RANBP2: variants seen among roughly 807,000 people sequenced by gnomAD.
RANBP2 encodes RAN binding protein 2, also known as E3 SUMO-protein ligase RanBP2.
In RANBP2, 57 loss-of-function variants were observed where a neutral mutation model predicts 303.6. That is an observed-to-expected ratio of 0.19 (90% CI 0.15 to 0.23). The LOEUF (loss-of-function observed/expected upper bound fraction) is 0.23. RANBP2 is among the 10% of genes least tolerant of loss of function. The probability of loss-of-function intolerance (pLI) is 1.00; values close to 1 mark genes in which losing one functional copy is unlikely to be tolerated. For synonymous variants in RANBP2, 1,167 were observed against 1,301.5 expected, an observed-to-expected ratio of 0.90 and a Z score of 2.23; for missense variants, 3,138 against 3,780.8, an observed-to-expected ratio of 0.83 and a Z score of 4.46.
chr2:108,972,257 G>C, the RANBP2 span, among the ~76,000 whole-genome samples: 2 of 152,256 alleles, frequency 1.3e-5, no homozygotes, highest in African/African-American at 4.8e-5. Context: ...CCACACCCCT[G>C]TAAGAGACCA....
chr2:108,906,331 G>T, the RANBP2 span: 1 of 1,614,174 alleles, frequency 6.2e-7, no homozygotes, highest in Non-Finnish European at 8.5e-7. Flanking sequence ...ACACACGTTG[G>T]CATACACATC....
chr2:108,803,081 A>T, the RANBP2 span, among the ~76,000 whole-genome samples: 1 of 152,324 alleles, frequency 6.6e-6, no homozygotes, highest in Non-Finnish European at 1.5e-5. Flanking sequence ...TAAAATCCTA[A>T]TGCATTTCTC....
the RANBP2 span, among the ~76,000 whole-genome samples, chr2:109,611,503 T>C: frequency 6.6e-6 from 1 of 150,622 alleles, no homozygotes; most frequent in South Asian, 2.1e-4. Flanking sequence ...AACTAGAAAA[T>C]AGGCAACATG....
chr2:109,152,531 G>T, the RANBP2 span, among the ~76,000 whole-genome samples: 2 of 152,232 alleles, frequency 1.3e-5, no homozygotes, highest in Admixed American at 1.3e-4. Context: ...AAACAACGAA[G>T]TGTTTGAAAG....
chr2:109,569,565 ATTTT>A, the RANBP2 span, among the ~76,000 whole-genome samples: 1 of 152,092 alleles, frequency 6.6e-6, no homozygotes, highest in Non-Finnish European at 1.5e-5. Flanking sequence ...AAGGAGAGAA[ATTTT>A]TTCTGTCTAT....
chr2:109,535,549 G>C, the RANBP2 span, among the ~76,000 whole-genome samples: 2 of 152,148 alleles, frequency 1.3e-5, no homozygotes, highest in Non-Finnish European at 2.9e-5. Context: ...AAAACTTAGG[G>C]TTCAGGGCAC....
At chr2:109,400,700 G>A in the RANBP2 span, among the ~76,000 whole-genome samples, 505 of 152,276 alleles carry the variant, frequency 3.3e-3, 1 homozygote, top group African/African-American at 0.012. Flanking sequence ...ACACCTGCAC[G>A]CATATGTGTG....
the RANBP2 span, chr2:109,618,164 G>A: frequency 1.2e-5 from 2 of 166,972 alleles, no homozygotes; most frequent in East Asian, 1.9e-4. Context: ...ATCTAATTTT[G>A]TATAAATAAA....
the RANBP2 span, among the ~76,000 whole-genome samples, chr2:108,809,193 A>G: frequency 2.6e-5 from 4 of 152,136 alleles, no homozygotes; most frequent in East Asian, 1.9e-4. Context: ...TTTTATGCCA[A>G]TACTATGCTG....
At chr2:109,643,485 C>A in the RANBP2 span, among the ~76,000 whole-genome samples, 2 of 152,130 alleles carry the variant, frequency 1.3e-5, no homozygotes, top group African/African-American at 4.8e-5. Flanking sequence ...AAAGGCTGGG[C>A]GCAGCGGCTC....
the RANBP2 span, among the ~76,000 whole-genome samples, chr2:109,475,257 G>C: frequency 1.3e-5 from 2 of 152,330 alleles, no homozygotes; most frequent in South Asian, 4.1e-4. Flanking sequence ...GATTACAGGC[G>C]TGAGCCACCA....
At chr2:108,905,882 G>T in the RANBP2 span, among the ~76,000 whole-genome samples, 7 of 146,240 alleles carry the variant, frequency 4.8e-5, no homozygotes, top group African/African-American at 2.0e-4. Context: ...GGCTCCCAGG[G>T]CTATCAGACA....
chr2:109,096,640 T>G, the RANBP2 span, among the ~76,000 whole-genome samples: 2 of 152,322 alleles, frequency 1.3e-5, no homozygotes, highest in South Asian at 4.1e-4. Context: ...GCTGAAATGT[T>G]CATGAATATC....
the RANBP2 span, among the ~76,000 whole-genome samples, chr2:109,124,009 TTTATTTATTTATTA>T: frequency 4.7e-5 from 7 of 150,518 alleles, no homozygotes; most frequent in African/African-American, 1.7e-4. Context: ...TATTTATTTA[TTTATTTATTTATTA>T]TTTTTTTGAC....
At chr2:109,485,119 T>G in the RANBP2 span, among the ~76,000 whole-genome samples, 2 of 152,220 alleles carry the variant, frequency 1.3e-5, no homozygotes, top group African/African-American at 4.8e-5. Flanking sequence ...TTGAGTCCCT[T>G]TCTATCTGCT....
chr2:109,272,550 G>T, the RANBP2 span, among the ~76,000 whole-genome samples: 2 of 152,242 alleles, frequency 1.3e-5, no homozygotes, highest in African/African-American at 2.4e-5. Context: ...TTTTGGTGAT[G>T]ATGTCTACTT....
At chr2:108,837,723 A>T in the RANBP2 span, among the ~76,000 whole-genome samples, 1 of 152,164 alleles carries the variant, frequency 6.6e-6, no homozygotes, top group Non-Finnish European at 1.5e-5. Flanking sequence ...TTACTGGTTT[A>T]TGTATTTACT....
chr2:109,177,282 C>T, the RANBP2 span, among the ~76,000 whole-genome samples: 1 of 152,118 alleles, frequency 6.6e-6, no homozygotes, highest in Non-Finnish European at 1.5e-5. Flanking sequence ...GGGGCTGGTG[C>T]AGAGAAGGAG....
At chr2:108,770,358 G>C (rs1291109333) in intron 20 of RANBP2, among the ~76,000 whole-genome samples, 1 of 152,226 alleles carries the variant, frequency 6.6e-6, no homozygotes, top group Admixed American at 6.5e-5. Context: ...CTAAGTTTTT[G>C]TTTATAATGA....
Sources: gnomAD v4.1 joint callset for allele counts (sites outside exome capture counted in the v4.1 genomes callset) on GRCh38, gnomAD v4.1.1 for gene constraint, MANE v1.5 for transcripts, NCBI Gene and HGNC (gene_info 2026-07-23, HGNC 2026-07-21) for gene names.